Variants in BCHE observed in about 807,000 individuals in gnomAD.
BCHE encodes butyrylcholinesterase.
Under a neutral mutation model 51.3 loss-of-function variants are expected in BCHE, and 48 were observed. The observed-to-expected ratio is 0.94, with a 90% CI of 0.74 to 1.19. The LOEUF is 1.19. Ranked by LOEUF, BCHE falls within the 50% of genes most tolerant of loss-of-function variation. BCHE has a pLI of 0.00. For synonymous variants in BCHE, 251 were observed against 238.0 expected (o/e 1.05, Z -0.50); for missense variants, 847 against 708.2 (o/e 1.20, Z -2.23).
chr3:165,825,679 T>C (rs1321068072), intron 2 of BCHE, among the ~76,000 whole-genome samples: 1 of 151,944 alleles, frequency 6.6e-6, no homozygotes, highest in Non-Finnish European at 1.5e-5. Context: ...ATCAGGTATA[T>C]CTCCTAATGC....
intron 2 of BCHE, among the ~76,000 whole-genome samples, chr3:165,818,390 G>A (rs1260403205): frequency 6.6e-6 from 1 of 151,796 alleles, no homozygotes; most frequent in Non-Finnish European, 1.5e-5. Flanking sequence ...CTGATTTTAG[G>A]ACTACTAAAG....
rs921563995 is a variant in BCHE at position 165,812,628 on chromosome 3, A to C, written c.1517+16889T>G. Among the ~76,000 whole-genome samples the C allele has an allele frequency of 9.9e-5, 15 of 152,146 alleles. No individual in the cohort carries two copies. In the East Asian group the frequency reaches 2.7e-3, roughly 27 times the overall value. On this transcript the variant is annotated intron_variant, in intron 2 of 3. Coordinates refer to ENST00000264381, the MANE Select transcript of BCHE (RefSeq NM_000055.4). ...TGTAGAACAATAGAAAAATAAAAAA[A>C]AGAATTAAATATTTTACATAAAAAT...
At chr3:165,774,453 A>T (rs909974851) in intron 3 of BCHE, among the ~76,000 whole-genome samples, 1 of 151,312 alleles carries the variant, frequency 6.6e-6, no homozygotes, top group African/African-American at 2.4e-5. Flanking sequence ...CCCTCCTCAG[A>T]CTCCCGAGTA....
Position 165,773,065 on chromosome 3 carries a change from C to CG in BCHE, c.*316_*317insC. ...TAATGAAAATACACGTGACTAAAAG[C>CG]AGAGCACTGATAATTTTGGGGGGAA... On this transcript the variant is annotated 3_prime_UTR_variant, in exon 4 of 4. Transcript: ENST00000264381. 4.8e-6 allele frequency: 1 copy of CG among 210,480 alleles called. No homozygotes were observed. The highest frequency in any genetic ancestry group is 9.1e-6 in the Non-Finnish European group (1 of 109,838). The allele number at this position is 210,480 out of a possible 1,614,324, so 13.0% of individuals were successfully genotyped here. A position where few individuals can be genotyped will look rare whatever the true frequency, so the allele number is the denominator to read the frequency against.
At chr3:165,816,924 T>C (rs778564038) in intron 2 of BCHE, among the ~76,000 whole-genome samples, 36 of 152,084 alleles carry the variant, frequency 2.4e-4, no homozygotes, top group Non-Finnish European at 4.6e-4. Flanking sequence ...TTATAGCCCC[T>C]TTTTCTCCCT....
intron 3 of BCHE, among the ~76,000 whole-genome samples, chr3:165,778,076 GGGTT>G (rs1395475796): frequency 1.3e-5 from 2 of 151,870 alleles, no homozygotes; most frequent in Non-Finnish European, 2.9e-5. Context: ...AACTGTGCAG[GGGTT>G]GGTGCCCCTA....
chr3:165,828,010 CAAATCAAAACCACAG>C, intron 2 of BCHE: 2 of 455,610 alleles, frequency 4.4e-6, no homozygotes, highest in South Asian at 3.1e-5. Flanking sequence ...CAATGAATAT[CAAATCAAAACCACAG>C]GTTCTGTTTC....
intron 2 of BCHE, among the ~76,000 whole-genome samples, chr3:165,799,836 A>G (rs756045600): frequency 9.2e-5 from 14 of 152,100 alleles, no homozygotes; most frequent in Non-Finnish European, 1.8e-4. Context: ...CTATATTAAT[A>G]TTAGAGAGGT....
At chr3:165,782,865 T>G (rs1712762065) in intron 3 of BCHE, among the ~76,000 whole-genome samples, 1 of 152,102 alleles carries the variant, frequency 6.6e-6, no homozygotes, top group African/African-American at 2.4e-5. Flanking sequence ...CTCAGGATTT[T>G]TTTTTTAAAG....
Position 165,829,965 on chromosome 3 carries a change from A to T in BCHE, c.1069T>A (p.Phe357Ile), listed in dbSNP as rs781476667. 6.2e-7 allele frequency: 1 copy of T among 1,613,816 alleles called. No individual in the cohort carries two copies. The highest frequency in any genetic ancestry group is 8.5e-7 in the Non-Finnish European group (1 of 1,179,904). ...AAGCCAGGAGCACCATAGACTAAAA[A>T]AGCTGTCCCTTCATCTTTATTAACA... ...VGVNKDEGTA[F>I]LVYGAPGFSK... The change falls in exon 2 of 4, where the codon TTT (phenylalanine) becomes ATT (isoleucine). Residue 357 changes from phenylalanine to isoleucine, a missense_variant. Transcript: ENST00000264381.
chr3:165,782,925 G>A (rs899576331), intron 3 of BCHE, among the ~76,000 whole-genome samples: 5 of 151,686 alleles, frequency 3.3e-5, no homozygotes, highest in Admixed American at 6.6e-5. Context: ...ATCACCTCCC[G>A]CAACGATTCA....
chr3:165,778,754 A>G, intron 3 of BCHE: 1 of 424,504 alleles, frequency 2.4e-6, no homozygotes, highest in South Asian at 1.6e-5. Context: ...AATGTTATCA[A>G]ATTAGTTGAC....
rs114664527 is a variant in BCHE, at chr3:165,786,142, C to G, written c.1684+3G>C. On this transcript the variant is annotated splice_donor_region_variant and intron_variant, in intron 3 of 3. Coordinates refer to ENST00000264381, the MANE Select transcript of BCHE (RefSeq NM_000055.4). ...AATAACCAAACACTAAAAACAGACA[C>G]ACCTGTCATTTCCAAGACTTTTGGA... 1 of 1,610,764 alleles carries G rather than the reference C, an allele frequency of 6.2e-7. No individual in the cohort carries two copies. Among genetic ancestry groups the G allele is most frequent in the African/African-American group, 1.3e-5 (1 of 74,758 alleles).
In BCHE at chr3:165,816,917, T is replaced by G. The variant is rs1276956885; in HGVS notation, c.1517+12600A>C. ...TTCATACTTTTAGATACCAAATTTA[T>G]AGCCCCTTTTTCTCCCTTGAATTTC... On this transcript the variant is annotated intron_variant, in intron 2 of 3. Transcript: ENST00000264381. 2.0e-5 allele frequency among the ~76,000 whole-genome samples: 3 copies of G among 152,096 alleles called. No homozygotes were observed. In the South Asian group the frequency reaches 6.2e-4, roughly 31 times the overall value.
chr3:165,789,488 T>C (rs577428926), intron 2 of BCHE, among the ~76,000 whole-genome samples: 2 of 152,286 alleles, frequency 1.3e-5, no homozygotes, highest in African/African-American at 4.8e-5. Context: ...CTTGGAATTA[T>C]AGAATCCTAG....
intron 2 of BCHE, among the ~76,000 whole-genome samples, chr3:165,823,518 T>C (rs1714605970): frequency 6.6e-6 from 1 of 152,060 alleles, no homozygotes; most frequent in Non-Finnish European, 1.5e-5. Flanking sequence ...TGCCAATTGA[T>C]AATGGAATAA....
chr3:165,780,655 A>T (rs1384739562), intron 3 of BCHE, among the ~76,000 whole-genome samples: 1 of 152,208 alleles, frequency 6.6e-6, no homozygotes, highest in Non-Finnish European at 1.5e-5. Context: ...CAAATGTATG[A>T]AAAAAAGCTC....
chr3:165,815,972 C>G (rs553637380), intron 2 of BCHE, among the ~76,000 whole-genome samples: 12 of 151,894 alleles, frequency 7.9e-5, no homozygotes, highest in Non-Finnish European at 1.5e-4. Flanking sequence ...TACTTGCCTT[C>G]TGCCTATGCC....
At chr3:165,778,951 G>T (rs940652102) in intron 3 of BCHE, among the ~76,000 whole-genome samples, 1 of 151,728 alleles carries the variant, frequency 6.6e-6, no homozygotes, top group African/African-American at 2.4e-5. Context: ...ATTTTTGTGG[G>T]TAATTGCTAT....
Sources: allele counts gnomAD v4.1 joint callset (sites outside exome capture counted in the v4.1 genomes callset), GRCh38; gene constraint gnomAD v4.1.1; transcripts MANE v1.5; gene names NCBI Gene and HGNC (gene_info 2026-07-23, HGNC 2026-07-21).